The following PRKD3 variants were observed in gnomAD, a reference collection of about 807,000 sequenced individuals.
PRKD3 encodes the protein protein kinase D3.
PRKD3 carries 47 observed loss-of-function variants against 99.2 expected under a neutral mutation model. The observed-to-expected ratio is 0.47, with a 90% CI of 0.38 to 0.60. The LOEUF (loss-of-function observed/expected upper bound fraction) is 0.60, where lower values mean the gene tolerates loss of function less well. PRKD3 is among the 20% of genes least tolerant of loss of function. PRKD3 has a pLI of 0.00. For synonymous variants in PRKD3, 392 were observed against 355.4 expected, an observed-to-expected ratio of 1.10 and a Z score of -1.16; for missense variants, 1,019 against 1,088.4, an observed-to-expected ratio of 0.94 and a Z score of 0.90.
At chr2:37,293,057 G>C in intron 3 of PRKD3, 76 bp downstream of exon 3, 5 of 1,331,534 alleles carry the variant, frequency 3.8e-6, no homozygotes, top group Non-Finnish European at 5.1e-6. Context: ...AAATATAATC[G>C]AATTGCAGCA....
intron 2 of PRKD3, among the ~76,000 whole-genome samples, chr2:37,300,691 T>C (rs1022412616): frequency 1.3e-5 from 2 of 152,194 alleles, no homozygotes; most frequent in Non-Finnish European, 2.9e-5. Context: ...TAAAAGAGAT[T>C]AGAACTCGTC....
chr2:37,289,257 T>A lies in PRKD3; in HGVS notation c.717+99A>T, dbSNP rs570558409. ...TTCTTAAGTGTAGGAACATTACCAT[T>A]CTTTAGCATATAAATTATGTTCTAG... On this transcript the variant is annotated intron_variant, in intron 5 of 18. Transcript: ENST00000234179. 7.8e-5 allele frequency: 105 copies of A among 1,354,504 alleles called. 3 individuals are homozygous for A. The East Asian group carries it at 1.0e-3, about 13-fold the overall frequency. The allele number at this position is 1,354,504 out of a possible 1,614,324, so 83.9% of individuals were successfully genotyped here.
chr2:37,253,455 A>G, intron 18 of PRKD3, 105 bp from the exon 19 acceptor site: 1 of 901,042 alleles, frequency 1.1e-6, no homozygotes, highest in South Asian at 1.9e-5. Flanking sequence ...CCCTAGTCAA[A>G]TAATTGACAG....
intron 17 of PRKD3, 58 bp from the exon 18 acceptor site, chr2:37,254,347 T>C: frequency 7.5e-7 from 1 of 1,338,942 alleles, no homozygotes; most frequent in Non-Finnish European, 1.1e-6. Flanking sequence ...ACCCCAAACT[T>C]GTGACTGCCT....
chr2:37,274,584 G>A lies in PRKD3; in HGVS notation c.1488C>T (p.Phe496=), dbSNP rs533915313. The A allele has an allele frequency of 6.2e-6, 10 of 1,614,084 alleles. No individual in the cohort carries two copies. Among genetic ancestry groups the A allele is most frequent in the African/African-American group, 5.3e-5 (4 of 75,032 alleles). Residue 496 remains phenylalanine (F), a synonymous_variant, in exon 11 of 19, where the codon TTC becomes TTT. Transcript: ENST00000234179. ...AGCTGTCCCCATTGTTCTCACCAAC[G>A]AAGTATACCATAGTATCAGTAATGA... is the stretch of plus-strand genomic sequence containing the variant. ...FEIITDTMVY[F]VGENNGDSSH... is the part of the protein sequence containing the mutation.
intron 14 of PRKD3, among the ~76,000 whole-genome samples, chr2:37,262,116 C>T (rs1053753667): frequency 1.3e-5 from 2 of 151,846 alleles, no homozygotes; most frequent in African/African-American, 4.8e-5. Flanking sequence ...GAGATATGAC[C>T]CCGTCGCAAA....
intron 12 of PRKD3, 52 bp downstream of exon 12, chr2:37,272,328 T>C: frequency 1.3e-6 from 2 of 1,587,468 alleles, no homozygotes; most frequent in East Asian, 2.3e-5. Flanking sequence ...TCACCTTTTA[T>C]TTTCCTTATT....
rs149684191 is a variant in PRKD3 at position 37,269,646 on chromosome 2, A to T, written c.1746T>A (p.Leu582=). 103 of 1,613,222 alleles carry T rather than the reference A, an allele frequency of 6.4e-5. No individual in the cohort carries two copies. Among genetic ancestry groups the T allele is most frequent in the Non-Finnish European group, 8.3e-5 (98 of 1,179,194 alleles). Residue 582 remains leucine (L), a synonymous_variant, in exon 13 of 19, where the codon CTT becomes CTA. Transcript: ENST00000234179. ...AAACGATGCCAAACTGGCCTGAACC[A>T]AGCACCTCATCTGCAAAGATCTGGT... ...TVYQIFADEV[L]GSGQFGIVYG...
chr2:37,266,489 CT>C (rs556254577), intron 14 of PRKD3, among the ~76,000 whole-genome samples: 156 of 129,722 alleles, frequency 1.2e-3, no homozygotes, highest in Middle Eastern at 4.2e-3. Flanking sequence ...CCACACCCGG[CT>C]TTTTTTTTTT....
At chr2:37,300,024 G>A (rs1670852766) in intron 2 of PRKD3, among the ~76,000 whole-genome samples, 3 of 152,096 alleles carry the variant, frequency 2.0e-5, no homozygotes, top group Non-Finnish European at 4.4e-5. Context: ...TCGCTACAGG[G>A]TATCTACCCG....
At chr2:37,288,226 C>T (rs1670214252) in intron 5 of PRKD3, among the ~76,000 whole-genome samples, 1 of 152,120 alleles carries the variant, frequency 6.6e-6, no homozygotes, top group Non-Finnish European at 1.5e-5. Flanking sequence ...TAGGTAAGTT[C>T]TCTGTGCAGT....
intron 7 of PRKD3, 138 bp from the exon 8 acceptor site, chr2:37,280,067 T>G (rs1009981799): frequency 1.7e-6 from 1 of 603,032 alleles, no homozygotes; most frequent in Non-Finnish European, 2.7e-6. Flanking sequence ...TTTTTTTTTT[T>G]TTGAGATAGA....
rs537584951 is a variant in PRKD3 at position 37,316,256 on chromosome 2, C to A, written c.269G>T (p.Cys90Phe). Residue 90 changes from cysteine (C) to phenylalanine (F), a missense_variant, in exon 2 of 19, where the codon TGC (cysteine) becomes TTC (phenylalanine). Around this residue, in one of 3 missense-constraint regions of PRKD3, gnomAD observed 710 missense variants for 692.7 expected, o/e 1.02. Coordinates refer to ENST00000234179, the MANE Select transcript of PRKD3 (RefSeq NM_005813.6). Reference protein sequence around the residue: ...LSLSAVKDLVCSIVYQKFPEC... With the variant: ...LSLSAVKDLVFSIVYQKFPEC... ...CAGTACCTTTTGATAAACTATGGAG[C>A]ACACAAGATCCTTGACAGCAGATAA... 6.2e-7 allele frequency: 1 copy of A among 1,613,470 alleles called. No individual in the cohort carries two copies. The highest frequency in any genetic ancestry group is 2.2e-5 in the East Asian group (1 of 44,892).
intron 4 of PRKD3, among the ~76,000 whole-genome samples, chr2:37,290,123 T>C (rs3770759): frequency 0.34 from 51,127 of 152,114 alleles, 9,490 homozygotes; most frequent in East Asian, 0.44. Context: ...AAAAGTTGAT[T>C]GACCCTCCAC....
chr2:37,271,092 T>G (rs1669230946), intron 12 of PRKD3, among the ~76,000 whole-genome samples: 1 of 152,358 alleles, frequency 6.6e-6, no homozygotes, highest in South Asian at 2.1e-4. Flanking sequence ...CCAATCTTCA[T>G]TGCAGTCTTA....
intron 17 of PRKD3, among the ~76,000 whole-genome samples, chr2:37,255,652 G>C (rs1394751119): frequency 1.3e-5 from 2 of 152,136 alleles, no homozygotes. Flanking sequence ...ATTCATTCAC[G>C]GAGCTCACAG....
At chr2:37,256,977 G>A (rs1471838173) in intron 16 of PRKD3, 48 bp from the exon 17 acceptor site, 1 of 1,582,888 alleles carries the variant, frequency 6.3e-7, no homozygotes, top group Non-Finnish European at 8.7e-7. Context: ...TGTTATATAT[G>A]TAACTACCTG....
At chr2:37,304,940 T>C (rs1671092158) in intron 2 of PRKD3, among the ~76,000 whole-genome samples, 1 of 149,470 alleles carries the variant, frequency 6.7e-6, no homozygotes, top group Admixed American at 7.0e-5. Context: ...CAAGGTCTTA[T>C]GATGAATAGT....
At chr2:37,287,382 TTTC>T (rs982493560) in intron 5 of PRKD3, among the ~76,000 whole-genome samples, 3 of 152,110 alleles carry the variant, frequency 2.0e-5, no homozygotes, top group Non-Finnish European at 2.9e-5. Context: ...TTCCCTTTTT[TTTC>T]TTTTTTCTCC....
Sources: gnomAD v4.1 joint callset for allele counts (sites outside exome capture counted in the v4.1 genomes callset) on GRCh38, gnomAD v4.1.1 for gene constraint, gnomAD v4.1.1 regional missense constraint, MANE v1.5 for transcripts, NCBI Gene and HGNC (gene_info 2026-07-23, HGNC 2026-07-21) for gene names.